The following MDM4 variants were observed in gnomAD, a reference collection of about 807,000 sequenced individuals.
The protein encoded by MDM4 is MDM4 regulator of p53.
In MDM4, 2 loss-of-function variants were observed where a neutral mutation model predicts 60.2. The ratio of observed to expected loss-of-function variants is 0.03; its 90% CI spans 0.01 to 0.10. The LOEUF (loss-of-function observed/expected upper bound fraction) is 0.10. Among genes scored for constraint, MDM4 ranks in the 10% least tolerant of loss-of-function variants. MDM4 has a pLI of 1.00. For synonymous variants in MDM4, 202 were observed against 198.1 expected, an observed-to-expected ratio of 1.02 and a Z score of -0.17; for missense variants, 447 against 577.5, an observed-to-expected ratio of 0.77 and a Z score of 2.32.
At chr1:204,523,951 G>C (rs985499496) in intron 1 of MDM4, among the ~76,000 whole-genome samples, 3 of 152,122 alleles carry the variant, frequency 2.0e-5, no homozygotes, top group Non-Finnish European at 4.4e-5. Flanking sequence ...ATTTTAAAGA[G>C]AGCAGGGGTA....
At chr1:204,530,540 G>A in intron 3 of MDM4, 144 bp from the exon 4 acceptor site, 1 of 1,005,830 alleles carries the variant, frequency 9.9e-7, no homozygotes, top group Non-Finnish European at 1.5e-6. Context: ...CTTTCCTGTT[G>A]TAGGACCCCT....
intron 1 of MDM4, among the ~76,000 whole-genome samples, chr1:204,522,765 T>C (rs1457842813): frequency 6.6e-6 from 1 of 152,108 alleles, no homozygotes; most frequent in African/African-American, 2.4e-5. Context: ...CAAAGTAAGG[T>C]AATGGGAGAG....
At chr1:204,532,576 A>G (rs1436990170) in intron 5 of MDM4, 1 of 584,314 alleles carries the variant, frequency 1.7e-6, no homozygotes, top group African/African-American at 1.9e-5. Context: ...TTTAACATGT[A>G]ATTCCATAAT....
intron 1 of MDM4, among the ~76,000 whole-genome samples, chr1:204,520,925 G>A (rs955993876): frequency 1.3e-5 from 2 of 152,134 alleles, no homozygotes; most frequent in African/African-American, 4.8e-5. Context: ...TGGGCCATGT[G>A]TGGATGAATA....
intron 5 of MDM4, chr1:204,536,874 A>G (rs1661478221): frequency 5.4e-6 from 2 of 369,092 alleles, no homozygotes; most frequent in East Asian, 9.0e-5. Context: ...TATACAGGTG[A>G]TGGTAATGGG....
rs201166880 is a variant in MDM4 at position 204,546,797 on chromosome 1, G to T, written c.823G>T (p.Val275Leu). ...TAATGAGATGTTTTTGCCTTCACAG[G>T]TGATTGAAGTGGGAAAAAATGATGA... The part of the protein sequence containing the change: ...EEVGKVSDKK[V>L]IEVGKNDDLE... The change falls in exon 10 of 11, where the codon GTG (valine) becomes TTG (leucine). Residue 275 changes from valine (V) to leucine (L), a missense_variant and splice_region_variant. Around this residue, in one of 8 missense-constraint regions of MDM4, gnomAD observed 184 missense variants for 179.3 expected, o/e 1.03. Transcript: ENST00000367182. The T allele has an allele frequency of 8.0e-5, 129 of 1,608,878 alleles. No homozygotes were observed. Among genetic ancestry groups the T allele is most frequent in the Non-Finnish European group, 1.0e-4 (120 of 1,175,916 alleles).
At position 204,525,536 on chromosome 1, in the gene MDM4, C is replaced by T. The variant is rs752177145; in HGVS notation, c.18C>T (p.Thr6=). Residue 6 remains threonine, a synonymous_variant, in exon 2 of 11, where the codon ACC becomes ACT. Transcript: ENST00000367182. MTSFS[T]SAQCSTSDSA... ...CTACCAAAATGACATCATTTTCCAC[C>T]TCTGCTCAGTGTTCAACATCTGACA... 5.6e-6 allele frequency: 9 copies of T among 1,611,924 alleles called. No individual in the cohort carries two copies. The East Asian group carries it at 1.3e-4, about 24-fold the overall frequency.
At chr1:204,536,979 C>T (rs4245738) in intron 5 of MDM4, 240,804 of 377,268 alleles carry the variant, frequency 0.64, 80,327 homozygotes, top group Non-Finnish European at 0.7. Flanking sequence ...ATCCAGATTT[C>T]AAGATCCCAT....
intron 5 of MDM4, chr1:204,536,919 A>C (rs1260672855): frequency 2.4e-6 from 1 of 409,662 alleles, no homozygotes; most frequent in East Asian, 7.8e-5. Context: ...GACACTTAGA[A>C]TGTCGCTTTA....
intron 4 of MDM4, 42 bp downstream of exon 4, chr1:204,530,859 A>T: frequency 6.2e-7 from 1 of 1,612,630 alleles, no homozygotes; most frequent in African/African-American, 1.3e-5. Context: ...GGGTGCTTAT[A>T]CCTAGCCACT....
chr1:204,529,672 C>T, intron 3 of MDM4: 1 of 630,446 alleles, frequency 1.6e-6, no homozygotes, highest in Non-Finnish European at 2.7e-6. Context: ...CAGGGCAGCC[C>T]CGCCCATACA....
chr1:204,534,389 A>G (rs565370166), intron 5 of MDM4, among the ~76,000 whole-genome samples: 6 of 151,988 alleles, frequency 3.9e-5, no homozygotes, highest in Non-Finnish European at 5.9e-5. Context: ...TTTTGGATTG[A>G]TCTGTTTTCT....
At chr1:204,517,653 C>T (rs1659124347) in intron 1 of MDM4, among the ~76,000 whole-genome samples, 1 of 152,084 alleles carries the variant, frequency 6.6e-6, no homozygotes, top group Non-Finnish European at 1.5e-5. Flanking sequence ...CCGCCCACCT[C>T]GGCCTCCGAA....
At chr1:204,523,100 T>C (rs985720235) in intron 1 of MDM4, among the ~76,000 whole-genome samples, 7 of 149,428 alleles carry the variant, frequency 4.7e-5, no homozygotes, top group Non-Finnish European at 1.0e-4. Context: ...TGACCTCAGG[T>C]GATCCACCTT....
At chr1:204,541,492 T>C (rs921856829) in intron 7 of MDM4, among the ~76,000 whole-genome samples, 3 of 151,936 alleles carry the variant, frequency 2.0e-5, no homozygotes, top group African/African-American at 7.3e-5. Context: ...CAAAAAAAAG[T>C]TGGGGGCAAG....
chr1:204,528,856 G>T, intron 3 of MDM4: 1 of 1,560,594 alleles, frequency 6.4e-7, no homozygotes. Context: ...CATAGCATCC[G>T]AGCTGTCATG....
Position 204,554,711 on chromosome 1 carries a change from C to T in MDM4, c.*5029C>T, listed in dbSNP as rs546929169. 1.5e-4 allele frequency: 33 copies of T among 227,576 alleles called. No homozygotes were observed. Among genetic ancestry groups the T allele is most frequent in the African/African-American group, 6.9e-4 (31 of 45,174 alleles). 14.1% of individuals were successfully genotyped at this position (227,576 alleles called of 1,614,324 possible). ...TAGTGGCTAATGTGGCTCCCCAGGC[C>T]TAATTTGGGAACAGTTTTTCCTGAT... On this transcript the variant is annotated 3_prime_UTR_variant, in exon 11 of 11. Transcript: ENST00000367182.
At position 204,524,761 on chromosome 1, in the gene MDM4, C is replaced by T. The variant is rs374951890; in HGVS notation, c.-35-723C>T. ...CATTGCGCTTCAGCCTGGGGGACAG[C>T]GAGACTGTGTCTCAAAATAAATAAA... On this transcript the variant is annotated intron_variant, in intron 1 of 10. Coordinates refer to ENST00000367182, the MANE Select transcript of MDM4 (RefSeq NM_002393.5). Among the ~76,000 whole-genome samples the T allele has an allele frequency of 2.0e-3, 310 of 152,280 alleles. 1 individual carries two copies. The highest frequency in any genetic ancestry group is 6.9e-3 in the African/African-American group (287 of 41,566).
In MDM4 at chr1:204,532,474, C is replaced by T. The variant is rs1474679589; in HGVS notation, c.343+228C>T. 5.3e-6 allele frequency: 3 copies of T among 560,992 alleles called. No individual in the cohort carries two copies. The East Asian group carries it at 9.0e-5, about 17-fold the overall frequency. The allele number at this position is 560,992 out of a possible 1,614,324, so 34.8% of individuals were successfully genotyped here. On this transcript the variant is annotated intron_variant, in intron 5 of 10. Coordinates refer to ENST00000367182, the MANE Select transcript of MDM4 (RefSeq NM_002393.5). ...TCTAGACGTACTGTTAACGTTTTGT[C>T]ATATTGCTTCATCTAGACACACTTT...
Sources: gnomAD v4.1 joint callset for allele counts (sites outside exome capture counted in the v4.1 genomes callset) on GRCh38, gnomAD v4.1.1 for gene constraint, gnomAD v4.1.1 regional missense constraint, MANE v1.5 for transcripts, NCBI Gene and HGNC (gene_info 2026-07-23, HGNC 2026-07-21) for gene names.